The following USP35 variants were observed in gnomAD, a reference collection of about 807,000 sequenced individuals.
USP35 encodes the protein ubiquitin carboxyl-terminal hydrolase 35.
USP35 carries 69 observed loss-of-function variants against 83.8 expected under a neutral mutation model. The ratio of observed to expected loss-of-function variants is 0.82; its 90% CI spans 0.68 to 1.01. The LOEUF is 1.01. USP35 is among the 50% of genes least tolerant of loss of function. The pLI, the probability that USP35 is intolerant of heterozygous loss-of-function variation, is 0.00. For synonymous variants in USP35, 714 were observed against 589.5 expected (o/e 1.21, Z -3.06); for missense variants, 1,503 against 1,362.5 (o/e 1.10, Z -1.62).
In USP35 at chr11:78,189,107, G is replaced by A; in HGVS notation, c.-61G>A. On this transcript the variant is annotated 5_prime_UTR_variant, in exon 1 of 11. Transcript: ENST00000529308. Reference sequence around the variant, plus strand: ...AGCCGGGCCCAGCCTCGTCCTGCCCGGCCTGAGCGCCCCGCCCAGCAGCCG... The same window carrying A: ...AGCCGGGCCCAGCCTCGTCCTGCCCAGCCTGAGCGCCCCGCCCAGCAGCCG... The A allele has an allele frequency of 2.2e-5, 8 of 369,866 alleles. No individual in the cohort carries two copies. The highest frequency in any genetic ancestry group is 3.0e-5 in the Non-Finnish European group (8 of 267,316). The allele number at this position is 369,866 out of a possible 1,614,324, so 22.9% of individuals were successfully genotyped here. A position where few individuals can be genotyped will look rare whatever the true frequency, so the allele number is the denominator to read the frequency against.
the USP35 span, chr11:78,225,344 C>G: frequency 8.3e-6 from 5 of 604,206 alleles, no homozygotes; most frequent in East Asian, 1.4e-4. Flanking sequence ...GGAATTTCTT[C>G]GAACACATCA....
chr11:78,213,969 TGGAAGTAAGAC>T lies in USP35; in HGVS notation c.*157_*167del. ...GGGTACACAGAGATTCTCTCAGATA[TGGAAGTAAGAC>T]CTAAGTCCCTTTCATTGGGGATCAG... On this transcript the variant is annotated 3_prime_UTR_variant, in exon 11 of 11. Coordinates refer to ENST00000529308, the MANE Select transcript of USP35 (RefSeq NM_020798.4). 1 of 795,600 alleles carries T rather than the reference TGGAAGTAAGAC, an allele frequency of 1.3e-6. No individual in the cohort carries two copies. The highest frequency in any genetic ancestry group is 3.4e-5 in the East Asian group (1 of 29,614). 49.3% of individuals were successfully genotyped at this position (795,600 alleles called of 1,614,324 possible).
chr11:78,221,872 G>C, the USP35 span: 2 of 811,862 alleles, frequency 2.5e-6, no homozygotes, highest in Non-Finnish European at 4.2e-6. Context: ...CACACACCCA[G>C]ACCTCAGCCA....
At chr11:78,234,416 G>A in the USP35 span, among the ~76,000 whole-genome samples, 4 of 152,036 alleles carry the variant, frequency 2.6e-5, no homozygotes, top group African/African-American at 7.2e-5. Flanking sequence ...TTACATTTAT[G>A]TCTCTGATAC....
intron 1 of USP35, among the ~76,000 whole-genome samples, chr11:78,193,699 T>C (rs1863063425): frequency 6.6e-6 from 1 of 152,178 alleles, no homozygotes; most frequent in Non-Finnish European, 1.5e-5. Context: ...GTAACCTTTA[T>C]GGGAACCAGA....
intron 6 of USP35, among the ~76,000 whole-genome samples, chr11:78,204,994 G>T (rs1863488970): frequency 6.6e-6 from 1 of 152,218 alleles, no homozygotes; most frequent in Non-Finnish European, 1.5e-5. Flanking sequence ...ACCAGGATCT[G>T]GAAACAAGAA....
chr11:78,224,789 C>T, the USP35 span, among the ~76,000 whole-genome samples: 2 of 152,188 alleles, frequency 1.3e-5, no homozygotes, highest in East Asian at 1.9e-4. Context: ...TGTGAGGCCA[C>T]GTGGGTAAGG....
the USP35 span, chr11:78,222,083 A>AC: frequency 6.6e-7 from 1 of 1,518,230 alleles, no homozygotes; most frequent in Non-Finnish European, 9.2e-7. Flanking sequence ...CCAAGCTCCC[A>AC]CCCCCACACA....
chr11:78,212,310 A>G (rs1473395638), intron 10 of USP35, among the ~76,000 whole-genome samples: 1 of 151,998 alleles, frequency 6.6e-6, no homozygotes, highest in African/African-American at 2.4e-5. Flanking sequence ...GTCTGTTTTT[A>G]TACCAGTACT....
At chr11:78,227,014 G>A in the USP35 span, 2 of 1,613,044 alleles carry the variant, frequency 1.2e-6, no homozygotes, top group East Asian at 2.2e-5. Flanking sequence ...CTCCTCATGA[G>A]AAAAGAGGCT....
intron 6 of USP35, among the ~76,000 whole-genome samples, chr11:78,201,649 C>T (rs1035724503): frequency 2.0e-5 from 3 of 152,184 alleles, no homozygotes; most frequent in Admixed American, 6.5e-5. Context: ...TGACTAACAT[C>T]TGTGGCTACT....
chr11:78,235,485 A>G, the USP35 span, among the ~76,000 whole-genome samples: 1 of 152,138 alleles, frequency 6.6e-6, no homozygotes, highest in East Asian at 1.9e-4. Context: ...GTCAGGTGGC[A>G]AATTTTCCGA....
chr11:78,191,817 G>A (rs1256415077), intron 1 of USP35, among the ~76,000 whole-genome samples: 2 of 151,230 alleles, frequency 1.3e-5, no homozygotes, highest in Non-Finnish European at 2.9e-5. Flanking sequence ...CCCAAAAATA[G>A]ACTCATGACA....
chr11:78,210,222 G>A lies in USP35; in HGVS notation c.2367G>A (p.Gln789=). ...ACTGCGAGTCGTGTGCCTCCCTGCA[G>A]GATGCCGAGAAGGTGGTGGAGCTGA... ...RYYCESCASL[Q]DAEKVVELSQ... Residue 789 remains glutamine (Q), a synonymous_variant, in exon 10 of 11, where the codon CAG becomes CAA. Transcript: ENST00000529308. 1 of 1,614,062 alleles carries A rather than the reference G, an allele frequency of 6.2e-7. No homozygotes were observed. The highest frequency in any genetic ancestry group is 8.5e-7 in the Non-Finnish European group (1 of 1,180,024).
chr11:78,217,435 T>G (rs1256877742), downstream of USP35: 1 of 152,240 alleles, frequency 6.6e-6, no homozygotes, highest in Non-Finnish European at 1.5e-5. Flanking sequence ...ACTTAGAGAA[T>G]GGCTAGGCCA....
In USP35 at chr11:78,196,177, C is replaced by G; in HGVS notation, c.-10-59C>G. The G allele has an allele frequency of 2.0e-6, 3 of 1,512,528 alleles. No individual in the cohort carries two copies. Among genetic ancestry groups the G allele is most frequent in the Admixed American group, 4.3e-5 (2 of 46,646 alleles). 93.7% of individuals were successfully genotyped at this position (1,512,528 alleles called of 1,614,324 possible). On this transcript the variant is annotated intron_variant, in intron 1 of 10. Coordinates refer to ENST00000529308, the MANE Select transcript of USP35 (RefSeq NM_020798.4). This position sits in a 1 kb window ranked among gnomAD's most constrained non-coding sequence, Gnocchi z 4.8. ...TAAGTCTCAGCACTCGGGGACTGCA[C>G]CGGGAACTCTTGAGCCCCGCGGTTG...
the USP35 span, among the ~76,000 whole-genome samples, chr11:78,231,011 C>T: frequency 1.3e-5 from 2 of 152,156 alleles, no homozygotes; most frequent in Non-Finnish European, 2.9e-5. Context: ...CTTACAGAAG[C>T]CTTATAAAAT....
At chr11:78,216,111 C>T (rs1388147636), downstream of USP35, 1 of 152,696 alleles carries the variant, frequency 6.5e-6, no homozygotes, top group African/African-American at 2.4e-5. Context: ...AGCTGAGCAC[C>T]AGCTGTGGAT....
chr11:78,229,434 AG>A, the USP35 span, among the ~76,000 whole-genome samples: 1 of 152,166 alleles, frequency 6.6e-6, no homozygotes, highest in African/African-American at 2.4e-5. Context: ...TGGGGTTGCA[AG>A]AGCATCACAG....
Sources: allele counts gnomAD v4.1 joint callset (sites outside exome capture counted in the v4.1 genomes callset), GRCh38; gene constraint gnomAD v4.1.1; non-coding constraint Gnocchi (gnomAD v3.1); transcripts MANE v1.5; gene names NCBI Gene and HGNC (gene_info 2026-07-23, HGNC 2026-07-21).